The following GRB2 variants were observed in gnomAD, a reference collection of about 807,000 sequenced individuals.
The protein encoded by GRB2 is growth factor receptor bound protein 2.
In GRB2, 2 loss-of-function variants were observed where a neutral mutation model predicts 27.4. The observed-to-expected ratio is 0.07, with a 90% CI of 0.03 to 0.23. The LOEUF (loss-of-function observed/expected upper bound fraction) is 0.23, where lower values mean the gene tolerates loss of function less well. GRB2 is among the 10% of genes least tolerant of loss of function. The probability of loss-of-function intolerance (pLI) is 1.00; values close to 1 mark genes in which losing one functional copy is unlikely to be tolerated. For missense variants in GRB2, 102 were observed against 282.4 expected (o/e 0.36, Z 4.58); for synonymous variants, 94 against 99.6 (o/e 0.94, Z 0.33).
At chr17:75,362,524 G>A (rs1207852136) in intron 2 of GRB2, among the ~76,000 whole-genome samples, 3 of 152,134 alleles carry the variant, frequency 2.0e-5, no homozygotes, top group African/African-American at 7.2e-5. Flanking sequence ...TGATGTGTTG[G>A]TTTTACCAGT....
intron 4 of GRB2, among the ~76,000 whole-genome samples, chr17:75,325,049 T>C (rs2078489454): frequency 1.3e-5 from 2 of 152,100 alleles, no homozygotes; most frequent in African/African-American, 4.8e-5. Context: ...GACTCCAGCC[T>C]GGGGGACAGA....
chr17:75,352,054 T>G (rs1333895178), intron 2 of GRB2, among the ~76,000 whole-genome samples: 2 of 152,204 alleles, frequency 1.3e-5, no homozygotes, highest in Non-Finnish European at 2.9e-5. Context: ...GAGACAAATA[T>G]AACTATTGTT....
chr17:75,393,969 C>T (rs1240347455), intron 1 of GRB2: 3 of 402,016 alleles, frequency 7.5e-6, no homozygotes, highest in Non-Finnish European at 1.4e-5. Flanking sequence ...GCCTGCCGGC[C>T]AATGGCACAG....
intron 2 of GRB2, among the ~76,000 whole-genome samples, chr17:75,347,285 A>C (rs550248707): frequency 1.3e-5 from 2 of 152,152 alleles, no homozygotes; most frequent in Non-Finnish European, 2.9e-5. Flanking sequence ...GCCACACTAC[A>C]GGTCAAATCC....
chr17:75,351,090 C>G (rs1038909812), intron 2 of GRB2, among the ~76,000 whole-genome samples: 2 of 152,048 alleles, frequency 1.3e-5, no homozygotes, highest in African/African-American at 2.4e-5. Flanking sequence ...GCAGGAAGAT[C>G]AGGTGGAGAA....
At chr17:75,361,300 C>T (rs1445510340) in intron 2 of GRB2, among the ~76,000 whole-genome samples, 1 of 152,118 alleles carries the variant, frequency 6.6e-6, no homozygotes, top group Admixed American at 6.6e-5. Context: ...CTGTCTTAAA[C>T]GAGGACAAGG....
intron 2 of GRB2, among the ~76,000 whole-genome samples, chr17:75,380,637 C>T (rs1284050250): frequency 6.6e-6 from 1 of 152,112 alleles, no homozygotes; most frequent in Non-Finnish European, 1.5e-5. Flanking sequence ...GATGGTCTTC[C>T]TCTAGAAAAT....
intron 2 of GRB2, among the ~76,000 whole-genome samples, chr17:75,353,590 C>A (rs1330832547): frequency 6.6e-6 from 1 of 151,824 alleles, no homozygotes; most frequent in Admixed American, 6.6e-5. Flanking sequence ...TGAAACCCCG[C>A]CTCTACTAAA....
chr17:75,383,328 C>T (rs2078941893), intron 2 of GRB2, among the ~76,000 whole-genome samples: 1 of 152,158 alleles, frequency 6.6e-6, no homozygotes, highest in Admixed American at 6.5e-5. Flanking sequence ...TCCATCAATA[C>T]TGTGCTTTCA....
At chr17:75,402,554 C>T (rs542099419) in intron 1 of GRB2, among the ~76,000 whole-genome samples, 1 of 152,254 alleles carries the variant, frequency 6.6e-6, no homozygotes, top group African/African-American at 2.4e-5. Context: ...CATTTGGTAA[C>T]AACAGTTTTG....
chr17:75,361,016 C>T (rs1245971688), intron 2 of GRB2, among the ~76,000 whole-genome samples: 3 of 152,094 alleles, frequency 2.0e-5, no homozygotes, highest in Admixed American at 2.0e-4. Flanking sequence ...AAGCGATCCT[C>T]CCACCTTAGC....
intron 2 of GRB2, among the ~76,000 whole-genome samples, chr17:75,340,763 ATCTG>A (rs2078615400): frequency 6.7e-6 from 1 of 149,970 alleles, no homozygotes; most frequent in African/African-American, 2.5e-5. Flanking sequence ...CACCACCTCC[ATCTG>A]TTACAGTTTT....
At chr17:75,363,831 G>A (rs1390968848) in intron 2 of GRB2, among the ~76,000 whole-genome samples, 2 of 118,782 alleles carry the variant, frequency 1.7e-5, no homozygotes, top group African/African-American at 6.4e-5. Flanking sequence ...CTGCACTCCA[G>A]CCTGGGCGAC....
At chr17:75,325,309 G>T (rs535399685) in intron 4 of GRB2, among the ~76,000 whole-genome samples, 3 of 152,194 alleles carry the variant, frequency 2.0e-5, no homozygotes, top group African/African-American at 7.2e-5. Context: ...TCAAAATCCC[G>T]ACTTCACAGC....
At chr17:75,399,039 C>G (rs757009376) in intron 1 of GRB2, among the ~76,000 whole-genome samples, 5 of 152,022 alleles carry the variant, frequency 3.3e-5, no homozygotes, top group Non-Finnish European at 5.9e-5. Context: ...TGAGCCACTG[C>G]GCCCAGCCTA....
chr17:75,366,012 A>G (rs1053687091), intron 2 of GRB2, among the ~76,000 whole-genome samples: 5 of 152,350 alleles, frequency 3.3e-5, no homozygotes, highest in Non-Finnish European at 5.9e-5. Context: ...ACATGTAAAC[A>G]TAACAAGGAT....
At chr17:75,324,515 T>C (rs1206341105) in intron 4 of GRB2, among the ~76,000 whole-genome samples, 1 of 58,656 alleles carries the variant, frequency 1.7e-5, no homozygotes, top group East Asian at 5.5e-4. Context: ...CAGTTTTTTT[T>C]TTTTTTTTTT....
intron 4 of GRB2, among the ~76,000 whole-genome samples, chr17:75,325,006 G>C (rs2078489151): frequency 6.6e-6 from 1 of 152,128 alleles, no homozygotes; most frequent in African/African-American, 2.4e-5. Flanking sequence ...AACCTGGGAG[G>C]TGGAGGTTGC....
intron 2 of GRB2, among the ~76,000 whole-genome samples, chr17:75,353,350 G>GA (rs2078705907): frequency 6.6e-6 from 1 of 151,946 alleles, no homozygotes; most frequent in Admixed American, 6.6e-5. Flanking sequence ...CATGTAGACT[G>GA]AAAAAAATCC....
Sources: allele counts gnomAD v4.1 joint callset (sites outside exome capture counted in the v4.1 genomes callset), GRCh38; gene constraint gnomAD v4.1.1; transcripts MANE v1.5; gene names NCBI Gene and HGNC (gene_info 2026-07-23, HGNC 2026-07-21).